Variants in ZBTB46 observed in about 807,000 individuals in gnomAD.
ZBTB46 encodes zinc finger and BTB domain-containing protein 46.
ZBTB46 carries 8 observed loss-of-function variants against 44.1 expected under a neutral mutation model. That is an observed-to-expected ratio of 0.18 (90% CI 0.11 to 0.33). ZBTB46 has a LOEUF of 0.33. Ranked by LOEUF, ZBTB46 falls within the 10% of genes least tolerant of loss-of-function variation. ZBTB46 has a pLI of 1.00. For missense variants in ZBTB46, 651 were observed against 847.7 expected, an observed-to-expected ratio of 0.77 and a Z score of 2.88; for synonymous variants, 409 against 382.3, an observed-to-expected ratio of 1.07 and a Z score of -0.81.
chr20:63,758,771 G>A (rs1253390731), intron 3 of ZBTB46, among the ~76,000 whole-genome samples: 9 of 144,988 alleles, frequency 6.2e-5, no homozygotes, highest in Non-Finnish European at 8.9e-5. Flanking sequence ...TCTTGCTGTC[G>A]CCCAGGCTGG....
rs1163375970 is a variant in ZBTB46 at position 63,831,225 on chromosome 20, G to GGTCCGTCC, written c.-170_-163dup. The GGTCCGTCC allele has an allele frequency of 7.1e-6, 1 of 141,654 alleles. No homozygotes were observed. Among genetic ancestry groups the GGTCCGTCC allele is most frequent in the African/African-American group, 2.5e-5 (1 of 39,400 alleles). The allele number at this position is 141,654 out of a possible 1,614,324, so 8.8% of individuals were successfully genotyped here. On this transcript the variant is annotated 5_prime_UTR_variant, in exon 1 of 5. Transcript: ENST00000245663. ...AGCTGCGCGCTCGCCGGGGCTGCTC[G>GGTCCGTCC]GTCCGTCCGTCCGTCCGTCGGTCCG...
In ZBTB46 at chr20:63,748,536, T is replaced by G. The variant is rs2092127906; in HGVS notation, c.1399-1235A>C. ...GGAGGCCTTGGGGGGCTGGCCCTGA[T>G]CCCTCACAGCACAGCCCCTGTCTCT... On this transcript the variant is annotated intron_variant, in intron 4 of 4. Coordinates refer to ENST00000245663, the MANE Select transcript of ZBTB46 (RefSeq NM_001369741.1). 2.6e-5 allele frequency among the ~76,000 whole-genome samples: 4 copies of G among 152,174 alleles called. No homozygotes were observed. In the South Asian group the frequency reaches 8.3e-4, roughly 31 times the overall value.
intron 1 of ZBTB46, among the ~76,000 whole-genome samples, chr20:63,805,130 A>AT (rs2092673335): frequency 1.3e-5 from 2 of 151,972 alleles, no homozygotes; most frequent in Non-Finnish European, 2.9e-5. Flanking sequence ...CACGTTGGCC[A>AT]GGATGGTCTC....
chr20:63,792,540 G>A lies in ZBTB46; in HGVS notation c.-33-1750C>T, dbSNP rs570721719. Among the ~76,000 whole-genome samples, 15 of 150,906 alleles carry A rather than the reference G, an allele frequency of 9.9e-5. 1 individual carries two copies. The highest frequency in any genetic ancestry group is 6.3e-4 in the South Asian group (3 of 4,782). On this transcript the variant is annotated intron_variant, in intron 1 of 4. Coordinates refer to ENST00000245663, the MANE Select transcript of ZBTB46 (RefSeq NM_001369741.1). Reference sequence around the variant, plus strand: ...TTTCTTCTTTTTTTTTTTTTGAGACGGAGTCTCGCTCTGTCCCCCAGGCTG... The same window carrying A: ...TTTCTTCTTTTTTTTTTTTTGAGACAGAGTCTCGCTCTGTCCCCCAGGCTG...
intron 1 of ZBTB46, among the ~76,000 whole-genome samples, chr20:63,798,820 G>A (rs1236617894): frequency 6.7e-6 from 1 of 149,958 alleles, no homozygotes; most frequent in Non-Finnish European, 1.5e-5. Context: ...CTCCAGCCTG[G>A]GTGACAGAGC....
At chr20:63,809,343 G>T (rs2092704600) in intron 1 of ZBTB46, among the ~76,000 whole-genome samples, 3 of 152,222 alleles carry the variant, frequency 2.0e-5, no homozygotes, top group African/African-American at 7.2e-5. Flanking sequence ...GCCTGCTGGG[G>T]TGGTGGCCCC....
intron 1 of ZBTB46, among the ~76,000 whole-genome samples, chr20:63,801,762 G>T (rs1030917354): frequency 5.9e-5 from 9 of 152,084 alleles, no homozygotes; most frequent in African/African-American, 1.9e-4. Flanking sequence ...AACACTCACC[G>T]CGAGAGTCCA....
chr20:63,790,029 C>T lies in ZBTB46; in HGVS notation c.729G>A (p.Leu243=). 6.2e-7 allele frequency: 1 copy of T among 1,613,998 alleles called. No individual in the cohort carries two copies. The highest frequency in any genetic ancestry group is 1.1e-5 in the South Asian group (1 of 91,082). The change falls in exon 2 of 5, where the codon CTG becomes CTA. Residue 243 remains leucine (L), a synonymous_variant. Coordinates refer to ENST00000245663, the MANE Select transcript of ZBTB46 (RefSeq NM_001369741.1). ...VSPSQYGGSE[L]PSAKDGAVQN... ...GTACTGCACCGTCCTTGGCAGAAGG[C>T]AGCTCGCTCCCTCCGTACTGAGACG...
intron 1 of ZBTB46, among the ~76,000 whole-genome samples, chr20:63,793,186 G>A (rs1302027556): frequency 6.6e-6 from 1 of 152,220 alleles, no homozygotes; most frequent in African/African-American, 2.4e-5. Flanking sequence ...CCCCACACTG[G>A]CCCCGGGCTT....
chr20:63,768,552 A>G (rs1373385762), intron 3 of ZBTB46, among the ~76,000 whole-genome samples: 2 of 152,094 alleles, frequency 1.3e-5, no homozygotes, highest in African/African-American at 4.8e-5. Context: ...GGTTGCAGTG[A>G]GCTAAGATCG....
intron 1 of ZBTB46, among the ~76,000 whole-genome samples, chr20:63,817,154 T>C: frequency 6.6e-6 from 1 of 151,050 alleles, no homozygotes; most frequent in Non-Finnish European, 1.5e-5. Flanking sequence ...ATGTGGTGGC[T>C]CATGCCTGTA....
upstream of ZBTB46, among the ~76,000 whole-genome samples, chr20:63,831,520 C>G (rs1197372981): frequency 6.8e-6 from 1 of 147,508 alleles, no homozygotes; most frequent in Non-Finnish European, 1.5e-5. Context: ...CGCGGGCAGC[C>G]GGACAGCGGA....
intron 3 of ZBTB46, among the ~76,000 whole-genome samples, chr20:63,770,134 G>C (rs893754236): frequency 2.0e-5 from 3 of 152,226 alleles, no homozygotes; most frequent in Non-Finnish European, 4.4e-5. Context: ...CGGCTGATGC[G>C]GGGCTTACAG....
upstream of ZBTB46, among the ~76,000 whole-genome samples, chr20:63,832,952 G>A (rs1005077110): frequency 1.3e-5 from 2 of 151,936 alleles, no homozygotes; most frequent in Admixed American, 1.3e-4. The surrounding 1 kb of genome is among the most constrained non-coding windows in gnomAD (Gnocchi z 5.0). Context: ...GAGGCCTGGG[G>A]AGACAGGAGA....
chr20:63,796,048 TG>T (rs1178306035), intron 1 of ZBTB46, among the ~76,000 whole-genome samples: 3 of 152,220 alleles, frequency 2.0e-5, no homozygotes, highest in African/African-American at 7.2e-5. Context: ...CCTGGATAGA[TG>T]CCTGTGTCGC....
intron 1 of ZBTB46, among the ~76,000 whole-genome samples, chr20:63,816,055 C>T (rs1211159210): frequency 7.5e-5 from 10 of 132,928 alleles, no homozygotes; most frequent in African/African-American, 2.6e-4. Flanking sequence ...GGTGCAGGTG[C>T]GGTGGGCGCA....
intron 1 of ZBTB46, among the ~76,000 whole-genome samples, chr20:63,828,363 A>G (rs1026334820): frequency 3.3e-5 from 5 of 152,270 alleles, no homozygotes; most frequent in African/African-American, 1.2e-4. Context: ...GCGGCCTCTC[A>G]AAGCCCTGAA....
chr20:63,789,402 G>GC (rs2092541269), intron 2 of ZBTB46, among the ~76,000 whole-genome samples: 5 of 152,328 alleles, frequency 3.3e-5, no homozygotes, highest in South Asian at 2.1e-4. Flanking sequence ...CTGGCAAGCG[G>GC]CCAGTCGAGT....
intron 3 of ZBTB46, among the ~76,000 whole-genome samples, chr20:63,762,722 T>C (rs1029132943): frequency 2.0e-5 from 3 of 151,938 alleles, no homozygotes; most frequent in African/African-American, 7.3e-5. Flanking sequence ...TGCATTAGGA[T>C]TGTTATATTT....
Sources: gnomAD v4.1 joint callset for allele counts (sites outside exome capture counted in the v4.1 genomes callset) on GRCh38, gnomAD v4.1.1 for gene constraint, Gnocchi (gnomAD v3.1) non-coding constraint, MANE v1.5 for transcripts, NCBI Gene and HGNC (gene_info 2026-07-23, HGNC 2026-07-21) for gene names.